Variants in TSHR observed in about 807,000 individuals in gnomAD.
The protein encoded by TSHR is thyroid stimulating hormone receptor, also known as thyrotropin receptor.
Under a neutral mutation model 64.1 loss-of-function variants are expected in TSHR, and 51 were observed. The ratio of observed to expected loss-of-function variants is 0.80; its 90% CI spans 0.64 to 1.01. TSHR has a LOEUF of 1.01. TSHR is among the 50% of genes least tolerant of loss of function. The pLI is 0.00. For synonymous variants in TSHR, 361 were observed against 361.9 expected, an observed-to-expected ratio of 1.00 and a Z score of 0.03; for missense variants, 877 against 942.8, an observed-to-expected ratio of 0.93 and a Z score of 0.91.
chr14:80,987,184 T>G (rs748245823), intron 1 of TSHR, among the ~76,000 whole-genome samples: 4 of 152,216 alleles, frequency 2.6e-5, no homozygotes, highest in Non-Finnish European at 4.4e-5. Context: ...TGTATCTCCT[T>G]CTGTCAAATA....
chr14:81,108,429 A>C lies in TSHR; in HGVS notation c.669A>C (p.Gly223=), dbSNP rs759045332. 6.2e-7 allele frequency: 1 copy of C among 1,613,558 alleles called. No individual in the cohort carries two copies. Among genetic ancestry groups the C allele is most frequent in the Admixed American group, 1.7e-5 (1 of 59,990 alleles). The change falls in exon 8 of 10, where the codon GGA becomes GGC. Residue 223 remains glycine, a synonymous_variant. Coordinates refer to ENST00000298171, the MANE Select transcript of TSHR (RefSeq NM_000369.5). ...LTVIDKDAFG[G]VYSGPSLLDV... ...TTATTGACAAAGATGCATTTGGAGG[A>C]GTATACAGTGGACCAAGCTTGCTGT...
chr14:81,088,260 A>G (rs1410503399), intron 4 of TSHR, among the ~76,000 whole-genome samples: 4 of 152,178 alleles, frequency 2.6e-5, no homozygotes, highest in Admixed American at 6.5e-5. Flanking sequence ...GGAGGGAGAA[A>G]ATGCTATCAT....
chr14:81,073,449 T>G (rs1009725775), intron 3 of TSHR, among the ~76,000 whole-genome samples: 1 of 152,068 alleles, frequency 6.6e-6, no homozygotes, highest in Non-Finnish European at 1.5e-5. Context: ...ACATGGAACA[T>G]TTACTAAAAT....
At chr14:80,998,869 T>C (rs1055285535) in intron 1 of TSHR, among the ~76,000 whole-genome samples, 2 of 152,192 alleles carry the variant, frequency 1.3e-5, no homozygotes, top group Non-Finnish European at 2.9e-5. Context: ...CTTGGACTGA[T>C]TTATGCCTAC....
chr14:81,061,290 C>T (rs986682505), intron 1 of TSHR, among the ~76,000 whole-genome samples: 2 of 152,062 alleles, frequency 1.3e-5, no homozygotes, highest in Non-Finnish European at 2.9e-5. Context: ...AAAGTACATG[C>T]TATAAATTCA....
At chr14:81,051,938 AT>A (rs1336048659) in intron 1 of TSHR, 1 of 152,118 alleles carries the variant, frequency 6.6e-6, no homozygotes, top group Non-Finnish European at 1.5e-5. Context: ...TGAGTCCCTT[AT>A]CAAAATGAGG....
intron 1 of TSHR, among the ~76,000 whole-genome samples, chr14:80,980,914 G>A (rs541995017): frequency 2.6e-5 from 4 of 151,876 alleles, no homozygotes; most frequent in Non-Finnish European, 5.9e-5. Context: ...GTTATATTTC[G>A]GTTGTCTGTT....
At chr14:81,026,456 A>T (rs1415852280) in intron 1 of TSHR, among the ~76,000 whole-genome samples, 1 of 152,212 alleles carries the variant, frequency 6.6e-6, no homozygotes, top group African/African-American at 2.4e-5. Context: ...TTATGCAAAA[A>T]TAACCCTATT....
intron 3 of TSHR, 57 bp downstream of exon 3, chr14:81,068,385 A>G (rs1272486819): frequency 2.4e-5 from 37 of 1,544,486 alleles, no homozygotes; most frequent in African/African-American, 4.1e-5. Flanking sequence ...TTGACTGATA[A>G]TCTTGGGGCT....
chr14:80,973,429 A>AAAAAAAC (rs1566743346), intron 1 of TSHR, among the ~76,000 whole-genome samples: 1 of 146,236 alleles, frequency 6.8e-6, no homozygotes, highest in African/African-American at 2.5e-5. Context: ...AAAAAAAAAA[A>AAAAAAAC]TCTGTGTACT....
chr14:80,963,500 A>G (rs547916959), intron 1 of TSHR, among the ~76,000 whole-genome samples: 1 of 152,366 alleles, frequency 6.6e-6, no homozygotes, highest in Non-Finnish European at 1.5e-5. Context: ...TTAAACAACT[A>G]TTAAATATAA....
At chr14:81,130,244 T>C (rs1051120715) in intron 8 of TSHR, among the ~76,000 whole-genome samples, 8 of 152,232 alleles carry the variant, frequency 5.3e-5, no homozygotes, top group African/African-American at 1.9e-4. Context: ...TGTGTCTTTT[T>C]GCAGCAACTA....
chr14:81,108,557 A>G (rs1278425931), intron 8 of TSHR, 105 bp downstream of exon 8: 2 of 1,610,066 alleles, frequency 1.2e-6, no homozygotes, highest in Admixed American at 1.7e-5. Context: ...AGGGTAGAAA[A>G]TGTTGCTGTC....
chr14:81,108,494 CTT>C (rs375160114), intron 8 of TSHR, 42 bp downstream of exon 8: 254 of 1,338,232 alleles, frequency 1.9e-4, no homozygotes, highest in Middle Eastern at 6.0e-4. Flanking sequence ...CTTTTTTTTT[CTT>C]TTTTTTTTTT....
chr14:81,104,526 T>C lies in TSHR; in HGVS notation c.615-3849T>C, dbSNP rs540512339. 6.7e-5 allele frequency: 66 copies of C among 985,426 alleles called. 1 individual carries two copies. In the African/African-American group the frequency reaches 1.1e-3, roughly 17 times the overall value. The allele number at this position is 985,426 out of a possible 1,614,324, so 61.0% of individuals were successfully genotyped here. Reference sequence around the variant, plus strand: ...AGATCACGTCTTTCTAAACCTGGTATAGAGGGTGCCTCTTTCTAGGAGTCA... The same window carrying C: ...AGATCACGTCTTTCTAAACCTGGTACAGAGGGTGCCTCTTTCTAGGAGTCA... On this transcript the variant is annotated intron_variant, in intron 7 of 9. Transcript: ENST00000298171.
intron 1 of TSHR, among the ~76,000 whole-genome samples, chr14:81,002,040 A>G (rs1015845782): frequency 2.0e-5 from 3 of 152,212 alleles, no homozygotes; most frequent in Non-Finnish European, 4.4e-5. Flanking sequence ...CCTACATTGC[A>G]GCAGAATTTG....
At chr14:81,021,642 A>G (rs2139801207) in intron 1 of TSHR, among the ~76,000 whole-genome samples, 1 of 152,310 alleles carries the variant, frequency 6.6e-6, no homozygotes, top group East Asian at 1.9e-4. Context: ...TATTCAATGG[A>G]CATTGTTTAA....
At chr14:81,051,731 C>G (rs1595004371) in intron 1 of TSHR, 1 of 152,266 alleles carries the variant, frequency 6.6e-6, no homozygotes, top group Non-Finnish European at 1.5e-5. Flanking sequence ...GACAGCCATA[C>G]TTACAGGTGC....
At chr14:81,094,679 A>ATTTTTTTTGTTTTTTTTTTTTTTTTT (rs1889014923) in intron 6 of TSHR, among the ~76,000 whole-genome samples, 1 of 76,242 alleles carries the variant, frequency 1.3e-5, no homozygotes, top group Non-Finnish European at 2.1e-5. Flanking sequence ...TATTTTTTTA[A>ATTTTTTTTGTTTTTTTTTTTTTTTTT]TTTTTTTTTT....
Sources: gnomAD v4.1 joint callset for allele counts (sites outside exome capture counted in the v4.1 genomes callset) on GRCh38, gnomAD v4.1.1 for gene constraint, MANE v1.5 for transcripts, NCBI Gene and HGNC (gene_info 2026-07-23, HGNC 2026-07-21) for gene names.